Variants in ADAM22 observed in about 807,000 individuals in gnomAD.
ADAM22 encodes the protein ADAM metallopeptidase domain 22, also known as disintegrin and metalloproteinase domain-containing protein 22.
Under a neutral mutation model 144.6 loss-of-function variants are expected in ADAM22, and 65 were observed. That is an observed-to-expected ratio of 0.45 (90% CI 0.37 to 0.55). The LOEUF is 0.55. Ranked by LOEUF, ADAM22 falls within the 20% of genes least tolerant of loss-of-function variation. ADAM22 has a pLI of 0.00. For missense variants in ADAM22, 974 were observed against 1,184.9 expected, an observed-to-expected ratio of 0.82 and a Z score of 2.61; for synonymous variants, 391 against 412.6, an observed-to-expected ratio of 0.95 and a Z score of 0.63.
intron 30 of ADAM22, among the ~76,000 whole-genome samples, chr7:88,189,315 C>T (rs1264275440): frequency 3.3e-5 from 5 of 152,194 alleles, no homozygotes; most frequent in African/African-American, 1.2e-4. Context: ...CCATTGATTA[C>T]TCACTTCATC....
chr7:87,965,523 G>GA, intron 2 of ADAM22, among the ~76,000 whole-genome samples: 1 of 152,258 alleles, frequency 6.6e-6, no homozygotes, highest in South Asian at 2.1e-4. Context: ...TACACCATGT[G>GA]AAATTGTTTC....
At chr7:87,949,257 T>C (rs1000447590) in intron 2 of ADAM22, among the ~76,000 whole-genome samples, 1 of 151,984 alleles carries the variant, frequency 6.6e-6, no homozygotes, top group Non-Finnish European at 1.5e-5. Flanking sequence ...TGAGTCAGGA[T>C]TTATTAGGAA....
intron 4 of ADAM22, among the ~76,000 whole-genome samples, chr7:88,082,746 A>G (rs886748020): frequency 1.3e-5 from 2 of 152,224 alleles, no homozygotes; most frequent in African/African-American, 2.4e-5. Context: ...AATGCTCACC[A>G]TCACTGGCCA....
Position 87,975,165 on chromosome 7 carries a change from T to C in ADAM22, c.247-3171T>C, listed in dbSNP as rs1270321976. 2.0e-5 allele frequency among the ~76,000 whole-genome samples: 3 copies of C among 152,194 alleles called. No homozygotes were observed. The East Asian group carries it at 5.8e-4, about 29-fold the overall frequency. ...GTTATTAATGTTGTTACCTGGATAT[T>C]ACCTCCTTCTGGAGGCCTTCTGAGA... On this transcript the variant is annotated intron_variant, in intron 2 of 31. Coordinates refer to ENST00000413139, the MANE Select transcript of ADAM22 (RefSeq NM_001324418.2).
chr7:88,006,012 A>T (rs1286111142), intron 3 of ADAM22, among the ~76,000 whole-genome samples: 4 of 152,134 alleles, frequency 2.6e-5, no homozygotes, highest in East Asian at 1.9e-4. Flanking sequence ...CATACTTTCT[A>T]ATCATTTCTC....
rs145616429 is a variant in ADAM22 at position 88,007,495 on chromosome 7, A to G, written c.323+29083A>G. Among the ~76,000 whole-genome samples, 935 of 152,264 alleles carry G rather than the reference A, an allele frequency of 6.1e-3. 13 individuals are homozygous for G. Among genetic ancestry groups the G allele is most frequent in the East Asian group, 0.046 (240 of 5,176 alleles). ...GAGGCATCAAGCTACCTGACCTCAA[A>G]CTATACTACAAGTCTACAGTAACCA... On this transcript the variant is annotated intron_variant, in intron 3 of 31. Transcript: ENST00000413139.
chr7:88,195,298 T>C (rs1221097025), intron 31 of ADAM22, among the ~76,000 whole-genome samples: 1 of 152,186 alleles, frequency 6.6e-6, no homozygotes, highest in African/African-American at 2.4e-5. Flanking sequence ...GTGAACTGAG[T>C]TGCATTCATA....
chr7:88,010,391 T>C (rs1563015941), intron 3 of ADAM22, among the ~76,000 whole-genome samples: 1 of 152,208 alleles, frequency 6.6e-6, no homozygotes, highest in Admixed American at 6.5e-5. Flanking sequence ...AACAAACCAC[T>C]GGAAGGTAAG....
intron 2 of ADAM22, among the ~76,000 whole-genome samples, chr7:87,951,359 G>A (rs1294561149): frequency 8.4e-6 from 1 of 118,788 alleles, no homozygotes; most frequent in African/African-American, 3.7e-5. Flanking sequence ...TCTACATATG[G>A]CTAGCCAGTT....
intron 23 of ADAM22, among the ~76,000 whole-genome samples, chr7:88,165,286 C>T (rs1181868468): frequency 6.6e-6 from 1 of 151,940 alleles, no homozygotes; most frequent in Non-Finnish European, 1.5e-5. Context: ...GTTCTTAGTT[C>T]CCCTGACCCT....
chr7:88,028,499 T>G lies in ADAM22; in HGVS notation c.324-47127T>G, dbSNP rs1391574378. Among the ~76,000 whole-genome samples, 3 of 152,172 alleles carry G rather than the reference T, an allele frequency of 2.0e-5. No homozygotes were observed. In the East Asian group the frequency reaches 5.8e-4, roughly 29 times the overall value. On this transcript the variant is annotated intron_variant, in intron 3 of 31. Transcript: ENST00000413139. ...TCTGTAAATATCTATTAAGTCCATT[T>G]GTTCTATAATGCAGATTAAGTCTGA...
chr7:88,020,785 T>A (rs1037836876), intron 3 of ADAM22, among the ~76,000 whole-genome samples: 1 of 152,216 alleles, frequency 6.6e-6, no homozygotes, highest in Non-Finnish European at 1.5e-5. Flanking sequence ...AAAATAGGAT[T>A]ATTCCAGGAA....
chr7:88,099,210 T>G (rs1585706494), intron 4 of ADAM22, among the ~76,000 whole-genome samples: 2 of 152,210 alleles, frequency 1.3e-5, no homozygotes, highest in Non-Finnish European at 1.5e-5. Flanking sequence ...GTCTGAAATT[T>G]TATCCTACTT....
At chr7:88,131,547 A>G (rs1831773090) in intron 11 of ADAM22, 112 bp downstream of exon 11, 1 of 1,120,876 alleles carries the variant, frequency 8.9e-7, no homozygotes, top group Non-Finnish European at 1.3e-6. Context: ...TTGACATGGC[A>G]GATGGCAGAT....
intron 3 of ADAM22, among the ~76,000 whole-genome samples, chr7:88,032,466 T>C (rs1017807743): frequency 6.6e-6 from 1 of 152,216 alleles, no homozygotes; most frequent in African/African-American, 2.4e-5. Flanking sequence ...CATTGTGTTT[T>C]GGAAGTGACT....
Position 88,201,459 on chromosome 7 carries a change from C to T in ADAM22, c.*4968C>T, listed in dbSNP as rs1234210464. On this transcript the variant is annotated 3_prime_UTR_variant, in exon 32 of 32. Coordinates refer to ENST00000413139, the MANE Select transcript of ADAM22 (RefSeq NM_001324418.2). ...ATATTCACAGGAAGATTCCTGAGGC[C>T]AGATATGCAGGAGAGCACACATTGT... The T allele has an allele frequency of 3.3e-5, 5 of 152,224 alleles. No individual in the cohort carries two copies. 9.4% of individuals were successfully genotyped at this position (152,224 alleles called of 1,614,324 possible).
intron 3 of ADAM22, among the ~76,000 whole-genome samples, chr7:88,074,028 G>T (rs1813517264): frequency 6.6e-6 from 1 of 152,180 alleles, no homozygotes; most frequent in Non-Finnish European, 1.5e-5. Flanking sequence ...AGACATTTTT[G>T]ATTGTCATGA....
intron 5 of ADAM22, among the ~76,000 whole-genome samples, chr7:88,113,018 G>A (rs1313113318): frequency 2.6e-5 from 4 of 151,712 alleles, no homozygotes; most frequent in Admixed American, 1.3e-4. Flanking sequence ...CCCATGCCCA[G>A]CTCAAAACTG....
chr7:88,175,640 C>T (rs1021508737), intron 26 of ADAM22, among the ~76,000 whole-genome samples: 1 of 152,040 alleles, frequency 6.6e-6, no homozygotes, highest in Non-Finnish European at 1.5e-5. Context: ...GTAATTTTCC[C>T]ATTATAAAAT....
Sources: gnomAD v4.1 joint callset for allele counts (sites outside exome capture counted in the v4.1 genomes callset) on GRCh38, gnomAD v4.1.1 for gene constraint, MANE v1.5 for transcripts, NCBI Gene and HGNC (gene_info 2026-07-23, HGNC 2026-07-21) for gene names.